OR9Q1: variants seen among roughly 807,000 people sequenced by gnomAD.
The protein encoded by OR9Q1 is olfactory receptor family 9 subfamily Q member 1.
For synonymous variants in OR9Q1, 153 were observed against 148.6 expected (o/e 1.03, Z -0.22); for missense variants, 374 against 378.8 (o/e 0.99, Z 0.11).
chr11:58,169,406 C>T (rs185724075), intron 2 of OR9Q1, among the ~76,000 whole-genome samples: 93 of 152,130 alleles, frequency 6.1e-4, no homozygotes, highest in African/African-American at 2.2e-3. Flanking sequence ...TCTCTTAGAA[C>T]TTTTATTGAG....
chr11:58,084,598 C>G (rs1853617697), intron 2 of OR9Q1, among the ~76,000 whole-genome samples: 1 of 151,864 alleles, frequency 6.6e-6, no homozygotes, highest in African/African-American at 2.4e-5. Flanking sequence ...ACACCATGAT[C>G]AAATAGGCTT....
chr11:58,054,477 G>T (rs1187954615), intron 1 of OR9Q1, among the ~76,000 whole-genome samples: 1 of 151,984 alleles, frequency 6.6e-6, no homozygotes, highest in African/African-American at 2.4e-5. Flanking sequence ...CAATATTTTT[G>T]CATATTTATT....
chr11:58,092,700 C>T (rs1387328981), intron 2 of OR9Q1, among the ~76,000 whole-genome samples: 1 of 152,056 alleles, frequency 6.6e-6, no homozygotes, highest in African/African-American at 2.4e-5. Context: ...TTCCAGTTTG[C>T]AAGATCAGTT....
At chr11:58,057,220 T>G (rs775506156) in intron 2 of OR9Q1, among the ~76,000 whole-genome samples, 32 of 152,158 alleles carry the variant, frequency 2.1e-4, no homozygotes, top group Non-Finnish European at 3.8e-4. Context: ...CTTGAACTCC[T>G]GACGCTAAGT....
At chr11:58,030,910 T>C (rs1385757674) in intron 1 of OR9Q1, 3 of 1,253,642 alleles carry the variant, frequency 2.4e-6, no homozygotes, top group Admixed American at 3.7e-5. Context: ...TGAGCTCTCA[T>C]TGTCTATGAG....
chr11:58,034,790 C>CT (rs1554964480), intron 1 of OR9Q1, among the ~76,000 whole-genome samples: 10 of 40,724 alleles, frequency 2.5e-4, no homozygotes, highest in Non-Finnish European at 3.6e-4. Flanking sequence ...TCCCTCCTTT[C>CT]TCCCTTCCTT....
At chr11:58,046,276 C>T (rs1853215577) in intron 1 of OR9Q1, among the ~76,000 whole-genome samples, 1 of 139,256 alleles carries the variant, frequency 7.2e-6, no homozygotes, top group African/African-American at 2.5e-5. Flanking sequence ...AACTTTGTTC[C>T]CTCCTCTCAG....
At chr11:58,059,085 C>G (rs1590563391) in intron 2 of OR9Q1, among the ~76,000 whole-genome samples, 1 of 152,184 alleles carries the variant, frequency 6.6e-6, no homozygotes, top group African/African-American at 2.4e-5. Context: ...TATTATCTCA[C>G]TGGCCTTTGA....
intron 2 of OR9Q1, among the ~76,000 whole-genome samples, chr11:58,070,935 C>T (rs912386108): frequency 6.6e-6 from 1 of 152,154 alleles, no homozygotes; most frequent in Non-Finnish European, 1.5e-5. Context: ...CACAGATGTC[C>T]CTAGTCTCAT....
intron 1 of OR9Q1, among the ~76,000 whole-genome samples, chr11:58,024,452 A>C (rs1852950906): frequency 6.6e-6 from 1 of 152,104 alleles, no homozygotes; most frequent in Admixed American, 6.5e-5. Context: ...GAGAGAACTG[A>C]AAGAGGGAGA....
chr11:58,131,479 A>G (rs976138120), intron 2 of OR9Q1, among the ~76,000 whole-genome samples: 1 of 152,152 alleles, frequency 6.6e-6, no homozygotes. Flanking sequence ...TTAAGATTAG[A>G]AGGATGTATA....
At chr11:58,166,686 C>T (rs987684834) in intron 2 of OR9Q1, among the ~76,000 whole-genome samples, 1 of 152,136 alleles carries the variant, frequency 6.6e-6, no homozygotes, top group Admixed American at 6.5e-5. Flanking sequence ...AGCCCCATTT[C>T]CCACAATTTT....
intron 2 of OR9Q1, among the ~76,000 whole-genome samples, chr11:58,139,547 C>T (rs960361113): frequency 1.3e-5 from 2 of 151,344 alleles, no homozygotes; most frequent in African/African-American, 4.9e-5. Flanking sequence ...GGTTTTTTGT[C>T]TTTGCGATAG....
At chr11:58,037,690 T>TATATATATAG (rs1232679301) in intron 1 of OR9Q1, among the ~76,000 whole-genome samples, 227 of 9,306 alleles carry the variant, frequency 0.024, 3 homozygotes, top group Non-Finnish European at 0.026. Flanking sequence ...TATATATATA[T>TATATATATAG]TTTTTTTTTT....
chr11:58,179,002 G>GAA (rs1163779021), intron 2 of OR9Q1, among the ~76,000 whole-genome samples: 1 of 127,190 alleles, frequency 7.9e-6, no homozygotes, highest in Non-Finnish European at 1.6e-5. Context: ...GAGAGAGAGA[G>GAA]AAAGAAAGAA....
intron 2 of OR9Q1, among the ~76,000 whole-genome samples, chr11:58,170,800 C>T (rs1183085519): frequency 2.6e-5 from 4 of 152,174 alleles, no homozygotes; most frequent in Admixed American, 1.3e-4. Flanking sequence ...CCTCCCCAGC[C>T]ACGTGGAACT....
intron 2 of OR9Q1, among the ~76,000 whole-genome samples, chr11:58,138,661 A>G (rs1299604160): frequency 2.0e-5 from 3 of 152,186 alleles, no homozygotes; most frequent in African/African-American, 7.2e-5. Context: ...TTTTTAATTG[A>G]CAAAACTTGT....
chr11:58,108,846 C>T (rs1427679208), intron 2 of OR9Q1: 2 of 351,614 alleles, frequency 5.7e-6, no homozygotes, highest in African/African-American at 2.1e-5. Flanking sequence ...CAGACACTAT[C>T]TTGTCTTCCT....
At chr11:58,149,346 T>C (rs1476442167) in intron 2 of OR9Q1, among the ~76,000 whole-genome samples, 7 of 152,200 alleles carry the variant, frequency 4.6e-5, no homozygotes, top group Admixed American at 4.6e-4. Context: ...CTCCTCACTG[T>C]ATTCCTGGTG....
Sources: gnomAD v4.1 joint callset for allele counts (sites outside exome capture counted in the v4.1 genomes callset) on GRCh38, gnomAD v4.1.1 for gene constraint, MANE v1.5 for transcripts, NCBI Gene and HGNC (gene_info 2026-07-23, HGNC 2026-07-21) for gene names.